PIK3C2G: variants seen among roughly 807,000 people sequenced by gnomAD.
PIK3C2G encodes the protein phosphatidylinositol 3-kinase C2 domain-containing subunit gamma.
A neutral mutation model predicts 181.1 loss-of-function variants in PIK3C2G; 168 were observed. That is an observed-to-expected ratio of 0.93 (90% CI 0.82 to 1.05). The LOEUF is 1.05. Ranked by LOEUF, PIK3C2G falls within the 50% of genes least tolerant of loss-of-function variation. The pLI is 0.00. For synonymous variants in PIK3C2G, 573 were observed against 592.2 expected, an observed-to-expected ratio of 0.97 and a Z score of 0.47; for missense variants, 1,869 against 1,732.8, an observed-to-expected ratio of 1.08 and a Z score of -1.40.
intron 8 of PIK3C2G, among the ~76,000 whole-genome samples, chr12:18,327,666 G>T (rs1215183843): frequency 6.6e-6 from 1 of 151,826 alleles, no homozygotes; most frequent in East Asian, 1.9e-4. Flanking sequence ...GAATATTTTT[G>T]AATTCATTCT....
chr12:18,402,366 G>A (rs901844739), intron 16 of PIK3C2G, among the ~76,000 whole-genome samples: 2 of 152,072 alleles, frequency 1.3e-5, no homozygotes, highest in Admixed American at 6.6e-5. Flanking sequence ...AACCCAGAGC[G>A]AGGGCAAGTT....
chr12:18,540,185 C>G (rs1263832549), intron 25 of PIK3C2G, among the ~76,000 whole-genome samples: 3 of 151,454 alleles, frequency 2.0e-5, no homozygotes, highest in Non-Finnish European at 4.4e-5. Flanking sequence ...CATAAGAGAC[C>G]CAGAGTCTTA....
At chr12:18,693,422 T>C in the PIK3C2G span, 1 of 1,604,290 alleles carries the variant, frequency 6.2e-7, no homozygotes, top group South Asian at 1.1e-5. Context: ...AAGAGATGGG[T>C]ATAAAGCCTC....
At chr12:18,308,206 G>A (rs931383772) in intron 5 of PIK3C2G, among the ~76,000 whole-genome samples, 8 of 151,574 alleles carry the variant, frequency 5.3e-5, no homozygotes, top group African/African-American at 9.7e-5. Flanking sequence ...AAAGTGTGAC[G>A]GTTATTAGAA....
chr12:18,624,840 A>G (rs910882664), intron 31 of PIK3C2G, among the ~76,000 whole-genome samples: 7 of 151,628 alleles, frequency 4.6e-5, no homozygotes, highest in South Asian at 2.1e-4. Flanking sequence ...TCTCTGTAAT[A>G]GTCTCTTGTG....
In PIK3C2G at chr12:18,491,475, A is replaced by G. The variant is rs1940563103; in HGVS notation, c.2710A>G (p.Arg904Gly). The change falls in exon 20 of 33, where the codon AGA becomes GGA. Residue 904 changes from arginine to glycine, a missense_variant. Transcript: ENST00000538779. ...RQEVLKKEIG[R>G]LEEFFQDVNT... ...GGAGGTACTGAAGAAAGAAATTGGC[A>G]GACTAGAAGAGTTCTTTCAAGATGT... 1.2e-6 allele frequency: 2 copies of G among 1,600,334 alleles called. No homozygotes were observed. Among genetic ancestry groups the G allele is most frequent in the Non-Finnish European group, 1.7e-6 (2 of 1,168,750 alleles).
intron 5 of PIK3C2G, among the ~76,000 whole-genome samples, chr12:18,303,746 C>T (rs1227720869): frequency 6.6e-6 from 1 of 152,138 alleles, no homozygotes; most frequent in African/African-American, 2.4e-5. Context: ...AAAGCTTTTG[C>T]TGAATAATCA....
At chr12:18,393,278 A>G (rs553727397) in intron 15 of PIK3C2G, among the ~76,000 whole-genome samples, 8 of 152,178 alleles carry the variant, frequency 5.3e-5, no homozygotes, top group Admixed American at 1.3e-4. Flanking sequence ...CACCCACTCA[A>G]ATAAAATTAT....
intron 18 of PIK3C2G, among the ~76,000 whole-genome samples, chr12:18,431,107 A>G (rs1214038311): frequency 6.6e-6 from 1 of 152,166 alleles, no homozygotes; most frequent in Non-Finnish European, 1.5e-5. Context: ...CACAATACGT[A>G]TCCCCTAATG....
intron 31 of PIK3C2G, among the ~76,000 whole-genome samples, chr12:18,631,468 T>G (rs1949347712): frequency 1.3e-5 from 2 of 152,206 alleles, no homozygotes; most frequent in South Asian, 4.1e-4. Context: ...TGGATTTTCT[T>G]CTTCTGTAAT....
At chr12:18,360,564 G>A (rs1941147479) in intron 11 of PIK3C2G, among the ~76,000 whole-genome samples, 1 of 152,184 alleles carries the variant, frequency 6.6e-6, no homozygotes, top group East Asian at 1.9e-4. Context: ...TTGTAGTGAG[G>A]AACTCCCTCA....
intron 31 of PIK3C2G, among the ~76,000 whole-genome samples, chr12:18,632,462 T>C (rs1949390356): frequency 6.6e-6 from 1 of 152,140 alleles, no homozygotes; most frequent in Non-Finnish European, 1.5e-5. Context: ...ATAATAAGTA[T>C]AGATATGGAC....
intron 18 of PIK3C2G, chr12:18,425,143 T>A (rs1347771620): frequency 5.1e-6 from 1 of 194,732 alleles, no homozygotes; most frequent in East Asian, 1.2e-4. Context: ...CGTGCCTTTT[T>A]TAGCAAGCCT....
At chr12:18,538,932 T>C (rs898453088) in intron 25 of PIK3C2G, among the ~76,000 whole-genome samples, 3 of 151,930 alleles carry the variant, frequency 2.0e-5, no homozygotes, top group African/African-American at 7.2e-5. Flanking sequence ...ATATGTACCA[T>C]GAGGGAAGAA....
upstream of PIK3C2G, among the ~76,000 whole-genome samples, chr12:18,245,200 A>G (rs1394609158): frequency 6.6e-6 from 1 of 152,136 alleles, no homozygotes; most frequent in South Asian, 2.1e-4. Flanking sequence ...TCTATTTTAT[A>G]TAATTCATGT....
intron 18 of PIK3C2G, among the ~76,000 whole-genome samples, chr12:18,472,626 C>G (rs1360300217): frequency 1.3e-5 from 2 of 152,240 alleles, no homozygotes; most frequent in East Asian, 3.9e-4. Flanking sequence ...GCCTGAACTA[C>G]AGCAAATAAT....
chr12:18,332,753 T>C (rs945746323), intron 8 of PIK3C2G, among the ~76,000 whole-genome samples: 2 of 152,168 alleles, frequency 1.3e-5, no homozygotes, highest in Non-Finnish European at 2.9e-5. Flanking sequence ...CAGGGTTTGC[T>C]GCTCCTCCTC....
chr12:18,407,785 G>C (rs1944622183), intron 16 of PIK3C2G, among the ~76,000 whole-genome samples: 1 of 152,108 alleles, frequency 6.6e-6, no homozygotes, highest in South Asian at 2.1e-4. Context: ...GAAAGATTAA[G>C]AGAAGGATTT....
intron 30 of PIK3C2G, among the ~76,000 whole-genome samples, chr12:18,596,376 A>T (rs564072892): frequency 6.6e-6 from 1 of 152,252 alleles, no homozygotes; most frequent in African/African-American, 2.4e-5. Flanking sequence ...CAGTAACCAA[A>T]AAAGTTGCTG....
Sources: gnomAD v4.1 joint callset for allele counts (sites outside exome capture counted in the v4.1 genomes callset) on GRCh38, gnomAD v4.1.1 for gene constraint, MANE v1.5 for transcripts, NCBI Gene and HGNC (gene_info 2026-07-23, HGNC 2026-07-21) for gene names.